The following CPLANE1 variants were observed in gnomAD, a reference collection of about 807,000 sequenced individuals.
The protein encoded by CPLANE1 is ciliogenesis and planar polarity effector complex subunit 1, also known as ciliogenesis and planar polarity effector 1.
A neutral mutation model predicts 362.5 loss-of-function variants in CPLANE1; 263 were observed. The observed-to-expected ratio is 0.73, with a 90% CI of 0.66 to 0.80. The LOEUF (loss-of-function observed/expected upper bound fraction) is 0.80. Ranked by LOEUF, CPLANE1 falls within the 30% of genes least tolerant of loss-of-function variation. The pLI, the probability that CPLANE1 is intolerant of heterozygous loss-of-function variation, is 0.00. For synonymous variants in CPLANE1, 1,212 were observed against 1,302.6 expected, an observed-to-expected ratio of 0.93 and a Z score of 1.50; for missense variants, 3,461 against 3,793.4, an observed-to-expected ratio of 0.91 and a Z score of 2.30.
At chr5:37,246,338 A>G (rs1739642122) in intron 2 of CPLANE1, 1 of 152,110 alleles carries the variant, frequency 6.6e-6, no homozygotes, top group Non-Finnish European at 1.5e-5. Context: ...TGATCTCGGG[A>G]GGTCATCATA....
In CPLANE1 at chr5:37,108,301, G is replaced by A; in HGVS notation, c.9571C>T (p.Leu3191Phe). 3 of 1,613,594 alleles carry A rather than the reference G, an allele frequency of 1.9e-6. No homozygotes were observed. Among genetic ancestry groups the A allele is most frequent in the Non-Finnish European group, 2.5e-6 (3 of 1,179,636 alleles). The part of the protein sequence containing the change: ...HKILHESHNS[L>F]LQDLSPTEEE... ...TCTAGAACAATGCTTACTTGTAGAAGGGAATTGTGACTCTCATGAAGAATC... is the reference window on the plus strand; with the variant it reads ...TCTAGAACAATGCTTACTTGTAGAAAGGAATTGTGACTCTCATGAAGAATC... Residue 3191 changes from leucine to phenylalanine, a missense_variant, in exon 52 of 53, where the codon CTT (leucine) becomes TTT (phenylalanine). Around this residue, in one of 2 missense-constraint regions of CPLANE1, gnomAD observed 81 missense variants for 127.3 expected, o/e 0.64. Transcript: ENST00000651892.
At position 37,173,654 on chromosome 5, in the gene CPLANE1, A is replaced by G. The variant is rs1780395842; in HGVS notation, c.6171+101T>C. 7.1e-6 allele frequency: 7 copies of G among 984,732 alleles called. No individual in the cohort carries two copies. In the Admixed American group the frequency reaches 1.7e-4, roughly 23 times the overall value. The allele number at this position is 984,732 out of a possible 1,614,324, so 61.0% of individuals were successfully genotyped here. ...TACCCAAAGCAGAGAAATGCTTGTG[A>G]TATAATTTTACCTTGTCAATTTCTG... On this transcript the variant is annotated intron_variant, in intron 32 of 52. Coordinates refer to ENST00000651892, the MANE Select transcript of CPLANE1 (RefSeq NM_001384732.1).
At chr5:37,217,334 A>G (rs1174405148) in intron 15 of CPLANE1, among the ~76,000 whole-genome samples, 1 of 152,126 alleles carries the variant, frequency 6.6e-6, no homozygotes, top group East Asian at 1.9e-4. Flanking sequence ...GACCGGGTGC[A>G]GTGGCTCATG....
chr5:37,168,695 T>A (rs1164756163), intron 34 of CPLANE1, 96 bp downstream of exon 34: 2 of 1,017,258 alleles, frequency 2.0e-6, no homozygotes, highest in Non-Finnish European at 1.4e-6. Flanking sequence ...AGCATTTTTT[T>A]ATGTACAAGA....
intron 6 of CPLANE1, 94 bp downstream of exon 6, chr5:37,242,916 TGTG>T: frequency 1.4e-6 from 1 of 733,976 alleles, no homozygotes; most frequent in Non-Finnish European, 2.2e-6. Flanking sequence ...GAGCTATGAT[TGTG>T]CCACTACCCC....
the CPLANE1 span, among the ~76,000 whole-genome samples, chr5:37,097,882 T>A: frequency 2.7e-3 from 411 of 152,228 alleles, 7 homozygotes; most frequent in African/African-American, 9.5e-3. Flanking sequence ...TGTGAATGGA[T>A]TAAATGTCCT....
At chr5:37,172,723 C>T (rs1320546303) in intron 32 of CPLANE1, among the ~76,000 whole-genome samples, 1 of 152,192 alleles carries the variant, frequency 6.6e-6, no homozygotes, top group South Asian at 2.1e-4. Flanking sequence ...CAGCGGCTCA[C>T]GCCTGTAATC....
In CPLANE1 at chr5:37,247,797, CAT is replaced by C. The variant is rs1491426132; in HGVS notation, c.-47-54_-47-53del. ...TAAATGATGCATAATATTCACTGGG[CAT>C]TTTTTTTTTTTTTTTGAGACAAGAG... On this transcript the variant is annotated intron_variant, in intron 1 of 52. Transcript: ENST00000651892. The C allele has an allele frequency of 2.7e-3, 3,136 of 1,174,290 alleles. 2 individuals carry two copies. Among genetic ancestry groups the C allele is most frequent in the Non-Finnish European group, 2.9e-3 (2,591 of 891,500 alleles). 72.7% of individuals were successfully genotyped at this position (1,174,290 alleles called of 1,614,324 possible). A position where few individuals can be genotyped will look rare whatever the true frequency, so the allele number is the denominator to read the frequency against.
At chr5:37,117,882 A>G (rs1020027289) in intron 50 of CPLANE1, among the ~76,000 whole-genome samples, 3 of 152,258 alleles carry the variant, frequency 2.0e-5, no homozygotes, top group African/African-American at 7.2e-5. Context: ...TTGAACACAT[A>G]TAACAGGAGG....
rs564967725 is a variant in CPLANE1, at chr5:37,153,154, T to C, written c.8373+586A>G. On this transcript the variant is annotated intron_variant, in intron 42 of 52. Coordinates refer to ENST00000651892, the MANE Select transcript of CPLANE1 (RefSeq NM_001384732.1). ...TGTATGGGAGGACCCTAGACAAAGC[T>C]TTATTTAGAGCAGAAGATCAGCTGA... is the stretch of plus-strand genomic sequence containing the variant. Among the ~76,000 whole-genome samples, 6 of 152,286 alleles carry C rather than the reference T, an allele frequency of 3.9e-5. No homozygotes were observed. In the South Asian group the frequency reaches 6.2e-4, roughly 16 times the overall value.
At chr5:37,195,780 A>G in intron 21 of CPLANE1, 78 bp downstream of exon 21, 1 of 1,410,842 alleles carries the variant, frequency 7.1e-7, no homozygotes, top group Non-Finnish European at 9.6e-7. Context: ...TGTACTTTGA[A>G]GAGTCAATAC....
chr5:37,125,404 T>C lies in CPLANE1; in HGVS notation c.8798A>G (p.Gln2933Arg). Residue 2933 changes from glutamine to arginine, a missense_variant, in exon 47 of 53, where the codon CAG becomes CGG. Physicochemically the swap from Gln to Arg is conservative, Grantham distance 43 (BLOSUM62 1). This residue lies in a region of CPLANE1 where 3,380 missense variants were observed against 3,666.1 expected (regional missense o/e 0.92). Transcript: ENST00000651892. ...TEQAMGTSRI[Q>R]HYSGRHSQRT... ...TTGTGAATGTCTGCCAGAATAATGC[T>C]GAATTCTGAGAAATTTAACAAGCAA... 1 of 1,612,214 alleles carries C rather than the reference T, an allele frequency of 6.2e-7. No individual in the cohort carries two copies.
intron 10 of CPLANE1, 46 bp downstream of exon 10, chr5:37,227,522 A>G: frequency 6.7e-7 from 1 of 1,499,926 alleles, no homozygotes; most frequent in Non-Finnish European, 8.9e-7. Flanking sequence ...TTTAAATTTG[A>G]AAAGAAAAAG....
Position 37,209,682 on chromosome 5 carries a change from A to G in CPLANE1, c.2921-3257T>C. The G allele has an allele frequency of 1.5e-6, 2 of 1,291,074 alleles. No individual in the cohort carries two copies. Among genetic ancestry groups the G allele is most frequent in the South Asian group, 2.4e-5 (2 of 84,426 alleles). 80.0% of individuals were successfully genotyped at this position (1,291,074 alleles called of 1,614,324 possible). A position where few individuals can be genotyped will look rare whatever the true frequency, so the allele number is the denominator to read the frequency against. ...TGGTTTGGCAAAAGAAAAGGTATTTACTATGCAGGATCTATTACAACTCAT... is the reference window on the plus strand; with the variant it reads ...TGGTTTGGCAAAAGAAAAGGTATTTGCTATGCAGGATCTATTACAACTCAT... On this transcript the variant is annotated intron_variant, in intron 16 of 52. Coordinates refer to ENST00000651892, the MANE Select transcript of CPLANE1 (RefSeq NM_001384732.1). This position sits in a 1 kb window ranked among gnomAD's most constrained non-coding sequence, Gnocchi z 4.6.
chr5:37,246,003 A>G (rs1171873518), intron 2 of CPLANE1, among the ~76,000 whole-genome samples, 158 bp from the exon 3 acceptor site: 2 of 152,192 alleles, frequency 1.3e-5, no homozygotes, highest in Non-Finnish European at 2.9e-5. Context: ...ACTCTATAGT[A>G]GCCTGAACAT....
chr5:37,179,404 C>T lies in CPLANE1; in HGVS notation c.5777G>A (p.Ser1926Asn). 1 of 1,613,434 alleles carries T rather than the reference C, an allele frequency of 6.2e-7. No individual in the cohort carries two copies. Among genetic ancestry groups the T allele is most frequent in the Non-Finnish European group, 8.5e-7 (1 of 1,179,592 alleles). ...TAAAGTCATCATGCAAATGGCAAGA[C>T]TGGGACTTCTGAAACCTCCAACAGA... ...EESVGGFRSPSLAICMMTLPQ... is the reference protein window; with the variant it reads ...EESVGGFRSPNLAICMMTLPQ... Residue 1926 changes from serine to asparagine, a missense_variant, in exon 29 of 53, where the codon AGT becomes AAT. Transcript: ENST00000651892.
rs1219156672 is a variant in CPLANE1 at position 37,164,305 on chromosome 5, G to C, written c.7556C>G (p.Ser2519Cys). 1 of 1,612,690 alleles carries C rather than the reference G, an allele frequency of 6.2e-7. No homozygotes were observed. Among genetic ancestry groups the C allele is most frequent in the South Asian group, 1.1e-5 (1 of 91,030 alleles). Residue 2519 changes from serine (S) to cysteine (C), a missense_variant, in exon 37 of 53, where the codon TCC becomes TGC. Physicochemically the swap from Ser to Cys is moderately radical, Grantham distance 112. Around this residue, in one of 2 missense-constraint regions of CPLANE1, gnomAD observed 3,380 missense variants for 3,666.1 expected, o/e 0.92. Transcript: ENST00000651892. ...KPKEQQEHCG[S>C]HPLDDFDVPF... ...AACGTCGAAGTCATCCAAAGGATGG[G>C]AACCACAATGTTCTTGTTGTTCCTA...
At chr5:37,111,909 G>C (rs572067288) in intron 51 of CPLANE1, among the ~76,000 whole-genome samples, 1 of 151,772 alleles carries the variant, frequency 6.6e-6, no homozygotes, top group Non-Finnish European at 1.5e-5. Context: ...AAAAACAGCC[G>C]TTAAAACAGA....
intron 16 of CPLANE1, chr5:37,210,549 CTCAA>C (rs1445463518): frequency 5.4e-6 from 8 of 1,488,788 alleles, no homozygotes; most frequent in African/African-American, 4.2e-5. Context: ...AAAGGAGGAA[CTCAA>C]TCAATCTATA....
Sources: allele counts gnomAD v4.1 joint callset (sites outside exome capture counted in the v4.1 genomes callset), GRCh38; gene constraint gnomAD v4.1.1; regional missense constraint gnomAD v4.1.1; non-coding constraint Gnocchi (gnomAD v3.1); transcripts MANE v1.5; gene names NCBI Gene and HGNC (gene_info 2026-07-23, HGNC 2026-07-21).